WWOX: variants seen among roughly 807,000 people sequenced by gnomAD.
WWOX encodes WW domain-containing oxidoreductase.
Under a neutral mutation model 46.2 loss-of-function variants are expected in WWOX, and 69 were observed. The observed-to-expected ratio is 1.49, with a 90% CI of 1.23 to 1.82. The LOEUF (loss-of-function observed/expected upper bound fraction) is 1.82, where lower values mean the gene tolerates loss of function less well. Ranked by LOEUF, WWOX falls within the 40% of genes most tolerant of loss-of-function variation. The probability of loss-of-function intolerance (pLI) is 0.00; values close to 1 mark genes in which losing one functional copy is unlikely to be tolerated. For missense variants in WWOX, 919 were observed against 542.6 expected (o/e 1.69, Z -6.89); for synonymous variants, 359 against 202.6 (o/e 1.77, Z -6.56).
chr16:78,994,274 GAAT>G (rs959498790), intron 8 of WWOX: 9 of 151,942 alleles, frequency 5.9e-5, no homozygotes, highest in African/African-American at 2.2e-4. Flanking sequence ...ACCATTTAAA[GAAT>G]AATTTTTAAG....
At chr16:79,102,852 G>A (rs144616562) in intron 8 of WWOX, among the ~76,000 whole-genome samples, 41 of 152,028 alleles carry the variant, frequency 2.7e-4, no homozygotes, top group African/African-American at 8.7e-4. Flanking sequence ...CTTTGAAGAC[G>A]ACAGGTGAAG....
chr16:79,058,983 A>C lies in WWOX; in HGVS notation c.1057-152625A>C, dbSNP rs545961883. Among the ~76,000 whole-genome samples, 4 of 152,356 alleles carry C rather than the reference A, an allele frequency of 2.6e-5. No homozygotes were observed. The South Asian group carries it at 8.3e-4, about 32-fold the overall frequency. On this transcript the variant is annotated intron_variant, in intron 8 of 8. Transcript: ENST00000566780. ...GCACCTTAAATCTGATTTAAAAGGA[A>C]AACAATGACTATTATACAGATTTAT...
chr16:79,094,617 A>C (rs1227267114), intron 8 of WWOX, among the ~76,000 whole-genome samples: 4 of 152,060 alleles, frequency 2.6e-5, no homozygotes. Flanking sequence ...CCGTTTCAAA[A>C]ACCCATCTCA....
chr16:78,318,051 C>A (rs1363128697), intron 5 of WWOX, among the ~76,000 whole-genome samples: 3 of 152,074 alleles, frequency 2.0e-5, no homozygotes, highest in African/African-American at 7.2e-5. Context: ...CACAAAAGAT[C>A]CAGGCGTAGA....
At chr16:79,101,012 A>C in intron 8 of WWOX, 1 of 152,502 alleles carries the variant, frequency 6.6e-6, no homozygotes, top group East Asian at 1.9e-4. Flanking sequence ...GAATGGGGGA[A>C]TGAGAACTAG....
Position 78,714,885 on chromosome 16 carries a change from G to T in WWOX, c.1056+282133G>T, listed in dbSNP as rs977085052. On this transcript the variant is annotated intron_variant, in intron 8 of 8. Coordinates refer to ENST00000566780, the MANE Select transcript of WWOX (RefSeq NM_016373.4). ...GCCAGAGAGAGATTGATAAGACATG[G>T]AATGATATGGTGTGATATATGAAAT... Among the ~76,000 whole-genome samples the T allele has an allele frequency of 1.3e-5, 2 of 152,144 alleles. 1 individual carries two copies. The highest frequency in any genetic ancestry group is 4.2e-4 in the South Asian group (2 of 4,814).
intron 8 of WWOX, among the ~76,000 whole-genome samples, chr16:79,014,393 G>A (rs945086370): frequency 6.6e-6 from 1 of 152,176 alleles, no homozygotes; most frequent in African/African-American, 2.4e-5. Context: ...GAAAAACACT[G>A]TGGAACCTTT....
At chr16:79,037,851 G>A (rs1366913205) in intron 8 of WWOX, among the ~76,000 whole-genome samples, 2 of 152,050 alleles carry the variant, frequency 1.3e-5, no homozygotes, top group African/African-American at 4.8e-5. Context: ...TCCAGCTCCT[G>A]CCTGCTCTCT....
intron 8 of WWOX, chr16:79,078,041 C>G (rs12716866): frequency 0.42 from 64,354 of 151,784 alleles, 14,280 homozygotes; most frequent in Middle Eastern, 0.51. Context: ...TAAGCACCTT[C>G]CCACAAGCTC....
intron 8 of WWOX, among the ~76,000 whole-genome samples, chr16:78,619,546 T>C (rs546675685): frequency 6.6e-6 from 1 of 151,866 alleles, no homozygotes; most frequent in African/African-American, 2.4e-5. Flanking sequence ...ATGCCACTTC[T>C]AATCTCAATT....
intron 5 of WWOX, among the ~76,000 whole-genome samples, chr16:78,338,938 C>T: frequency 8.3e-6 from 1 of 120,926 alleles, no homozygotes; most frequent in African/African-American, 2.8e-5. Context: ...TCATTTCTAA[C>T]TCATTTAGTG....
intron 8 of WWOX, among the ~76,000 whole-genome samples, chr16:79,043,287 T>G (rs1036340296): frequency 7.0e-6 from 1 of 143,590 alleles, no homozygotes; most frequent in Non-Finnish European, 1.5e-5. Context: ...CTCTACCAGA[T>G]GAATAGAGGT....
At chr16:78,186,976 G>A (rs748514487) in intron 5 of WWOX, among the ~76,000 whole-genome samples, 1 of 152,082 alleles carries the variant, frequency 6.6e-6, no homozygotes, top group Non-Finnish European at 1.5e-5. Context: ...TTCTGCTAGT[G>A]TTTGCATGTA....
intron 8 of WWOX, among the ~76,000 whole-genome samples, chr16:78,851,376 A>G (rs1426979234): frequency 2.0e-5 from 3 of 152,222 alleles, no homozygotes; most frequent in African/African-American, 4.8e-5. Flanking sequence ...AACTACAGAA[A>G]AAGAGTTTAC....
At chr16:78,339,290 T>C (rs2080961119) in intron 5 of WWOX, among the ~76,000 whole-genome samples, 1 of 117,504 alleles carries the variant, frequency 8.5e-6, no homozygotes, top group South Asian at 2.6e-4. Flanking sequence ...TTTTAGAAAT[T>C]TGCTGAGTTT....
At chr16:78,692,510 G>C (rs1319787375) in intron 8 of WWOX, among the ~76,000 whole-genome samples, 3 of 152,166 alleles carry the variant, frequency 2.0e-5, no homozygotes, top group Non-Finnish European at 4.4e-5. Context: ...AAGAATGCCT[G>C]CCTTTGGGTT....
chr16:78,470,498 T>A (rs532263641), intron 8 of WWOX, among the ~76,000 whole-genome samples: 1 of 151,878 alleles, frequency 6.6e-6, no homozygotes, highest in Non-Finnish European at 1.5e-5. Flanking sequence ...CCCCACTCTT[T>A]TATTTTCATG....
At chr16:78,207,208 A>G (rs531655424) in intron 5 of WWOX, among the ~76,000 whole-genome samples, 38 of 152,330 alleles carry the variant, frequency 2.5e-4, no homozygotes, top group African/African-American at 8.9e-4. Flanking sequence ...GACCTACTCT[A>G]TCCCAGGCAG....
At chr16:78,579,150 C>A (rs1199040914) in intron 8 of WWOX, among the ~76,000 whole-genome samples, 2 of 152,152 alleles carry the variant, frequency 1.3e-5, no homozygotes, top group Non-Finnish European at 2.9e-5. Context: ...TTAAAAATCA[C>A]TTTAATGATT....
Sources: allele counts gnomAD v4.1 joint callset (sites outside exome capture counted in the v4.1 genomes callset), GRCh38; gene constraint gnomAD v4.1.1; transcripts MANE v1.5; gene names NCBI Gene and HGNC (gene_info 2026-07-23, HGNC 2026-07-21).